Variants in APOL4 observed in about 807,000 individuals in gnomAD.
The protein encoded by APOL4 is apolipoprotein L4.
Under a neutral mutation model 12.1 loss-of-function variants are expected in APOL4, and 14 were observed. That is an observed-to-expected ratio of 1.16 (90% confidence interval 0.76 to 1.81). APOL4 has a LOEUF of 1.81. Ranked by LOEUF, APOL4 falls within the 40% of genes most tolerant of loss-of-function variation. APOL4 has a pLI of 0.00. For synonymous variants in APOL4, 171 were observed against 160.6 expected (o/e 1.06, Z -0.49); for missense variants, 432 against 423.1 (o/e 1.02, Z -0.18).
chr22:36,191,102 A>G lies in APOL4; in HGVS notation c.1020T>C (p.His340=), dbSNP rs1303436931. 1.2e-6 allele frequency: 2 copies of G among 1,607,306 alleles called. No homozygotes were observed. Among genetic ancestry groups the G allele is most frequent in the East Asian group, 2.2e-5 (1 of 44,694 alleles). ...ELEENLNELT[H]IHQSLKAG is the part of the protein sequence containing the mutation. ...AGCCTGCTTTTAGACTCTGATGGAT[A>G]TGGGTGAGCTCATTGAGATTCTCCT... is the stretch of plus-strand genomic sequence containing the variant. The change falls in exon 4 of 4, where the codon CAT becomes CAC. Residue 340 remains histidine, a synonymous_variant. Coordinates refer to ENST00000683024, the MANE Select transcript of APOL4 (RefSeq NM_001386885.1).
chr22:36,203,668 T>C (rs907018153), upstream of APOL4, among the ~76,000 whole-genome samples: 1 of 152,156 alleles, frequency 6.6e-6, no homozygotes, highest in African/African-American at 2.4e-5. Context: ...GGAGTATACC[T>C]GAACCCTAAA....
At chr22:36,195,067 C>G (rs951997474) in intron 3 of APOL4, 1 of 417,116 alleles carries the variant, frequency 2.4e-6, no homozygotes, top group African/African-American at 2.0e-5. Flanking sequence ...TTGCAAAGCT[C>G]CCATCACCAG....
At chr22:36,202,202 G>A (rs896448365), upstream of APOL4, 6 of 1,078,360 alleles carry the variant, frequency 5.6e-6, no homozygotes, top group African/African-American at 6.3e-5. Context: ...GATCTGCTGG[G>A]CTCAAGTGAT....
intron 3 of APOL4, among the ~76,000 whole-genome samples, chr22:36,193,978 C>G (rs751648625): frequency 6.6e-6 from 1 of 152,166 alleles, no homozygotes; most frequent in Non-Finnish European, 1.5e-5. Context: ...CAGGTCAAGG[C>G]CCTGTACAAT....
chr22:36,194,180 C>G (rs1192477710), intron 3 of APOL4, among the ~76,000 whole-genome samples: 1 of 152,142 alleles, frequency 6.6e-6, no homozygotes, highest in African/African-American at 2.4e-5. Flanking sequence ...GGAAGTTGGC[C>G]TGAAGAAACA....
chr22:36,202,145 C>T, upstream of APOL4: 1 of 1,566,132 alleles, frequency 6.4e-7, no homozygotes, highest in African/African-American at 1.4e-5. Flanking sequence ...TTTGCTGTGT[C>T]ACCCAGGCTG....
upstream of APOL4, among the ~76,000 whole-genome samples, chr22:36,203,098 C>T (rs2014632850): frequency 6.6e-6 from 1 of 152,204 alleles, no homozygotes; most frequent in Admixed American, 6.5e-5. Context: ...CCACAGGCAC[C>T]ATTCTGCAAT....
chr22:36,198,072 A>G (rs2014465245), intron 2 of APOL4, among the ~76,000 whole-genome samples: 2 of 152,174 alleles, frequency 1.3e-5, no homozygotes, highest in Admixed American at 1.3e-4. Context: ...CAAAGTCAGA[A>G]ACCCCAAACC....
chr22:36,189,482 A>G lies in APOL4; in HGVS notation c.*1593T>C, dbSNP rs1034547341. The G allele has an allele frequency of 3.9e-5, 6 of 152,298 alleles. No homozygotes were observed. Among genetic ancestry groups the G allele is most frequent in the African/African-American group, 1.4e-4 (6 of 41,456 alleles). The allele number at this position is 152,298 out of a possible 1,614,324, so 9.4% of individuals were successfully genotyped here. On this transcript the variant is annotated 3_prime_UTR_variant, in exon 4 of 4. Transcript: ENST00000683024. ...TGGCTGACTCAGATACACCCCCGGG[A>G]GGACAAGGGAGAGTGGATGCTGGTA...
upstream of APOL4, chr22:36,202,217 C>T: frequency 1.1e-6 from 1 of 896,012 alleles, no homozygotes; most frequent in Non-Finnish European, 1.7e-6. Context: ...AGTGATCTTC[C>T]TCCTTCAACC....
chr22:36,204,739 A>G (rs549936367), upstream of APOL4: 10 of 344,578 alleles, frequency 2.9e-5, no homozygotes, highest in East Asian at 5.6e-4. Flanking sequence ...TCCAGCCCCC[A>G]AGATATACCC....
upstream of APOL4, among the ~76,000 whole-genome samples, chr22:36,204,018 C>T (rs150562418): frequency 6.7e-3 from 1,022 of 152,288 alleles, 9 homozygotes; most frequent in Non-Finnish European, 8.6e-3. Flanking sequence ...GACATGGAGT[C>T]CTATGATCTA....
Position 36,191,061 on chromosome 22 carries a change from C to T in APOL4, c.*14G>A, listed in dbSNP as rs538257268. On this transcript the variant is annotated 3_prime_UTR_variant, in exon 4 of 4. Coordinates refer to ENST00000683024, the MANE Select transcript of APOL4 (RefSeq NM_001386885.1). ...CCTCCGTTTGGGGTCCCTGACTTCCCGCAACAATTGGGCCTAGCCTGCTTT... is the reference window on the plus strand; with the variant it reads ...CCTCCGTTTGGGGTCCCTGACTTCCTGCAACAATTGGGCCTAGCCTGCTTT... The T allele has an allele frequency of 1.4e-4, 214 of 1,569,448 alleles. No individual in the cohort carries two copies. The highest frequency in any genetic ancestry group is 5.6e-4 in the South Asian group (48 of 85,898).
intron 2 of APOL4, chr22:36,197,870 A>G (rs773225544): frequency 3.9e-6 from 6 of 1,529,216 alleles, no homozygotes; most frequent in East Asian, 2.5e-5. Flanking sequence ...TAAGACCAGT[A>G]AGATCTAACT....
rs964726643 is a variant in APOL4 at position 36,197,626 on chromosome 22, T to A, written c.82+1704A>T. 3.2e-5 allele frequency: 50 copies of A among 1,539,722 alleles called. No individual in the cohort carries two copies. The African/African-American group carries it at 5.4e-4, about 17-fold the overall frequency. On this transcript the variant is annotated intron_variant, in intron 2 of 3. Coordinates refer to ENST00000683024, the MANE Select transcript of APOL4 (RefSeq NM_001386885.1). ...GCTATGAATCTGAACTGGGGTCATA[T>A]CAGATGGGCGCTTCTGTCAGACACA...
chr22:36,191,863 C>T lies in APOL4; in HGVS notation c.259G>A (p.Val87Met), dbSNP rs374527418. The T allele has an allele frequency of 1.9e-6, 3 of 1,612,138 alleles. No homozygotes were observed. The Admixed American group carries it at 5.0e-5, about 27-fold the overall frequency. ...YEALKNLTPY[V>M]AIEDKDMQQK... The stretch of plus-strand genomic sequence containing the variant: ...TGCATGTCTTTGTCCTCAATAGCCA[C>T]ATATGGTGTAAGATTCTTCAGAGCT... The change falls in exon 4 of 4, where the codon GTG (valine) becomes ATG (methionine). Residue 87 changes from valine to methionine, a missense_variant. Coordinates refer to ENST00000683024, the MANE Select transcript of APOL4 (RefSeq NM_001386885.1).
rs897298391 is a variant in APOL4 at position 36,191,362 on chromosome 22, C to T, written c.760G>A (p.Val254Ile). The T allele has an allele frequency of 6.2e-7, 1 of 1,613,944 alleles. No individual in the cohort carries two copies. The highest frequency in any genetic ancestry group is 2.2e-5 in the East Asian group (1 of 44,898). ...VHTLRRSKAT[V>I]GRPLIAWRYV... is the part of the protein sequence containing the mutation. ...CGCCAAGCAATCAAAGGGCGTCCAA[C>T]AGTGGCTTTAGATCTCCTGAGTGTA... Residue 254 changes from valine to isoleucine, a missense_variant, in exon 4 of 4, where the codon GTT (valine) becomes ATT (isoleucine). By Grantham distance (29) the Val-to-Ile change is conservative (BLOSUM62 3). Transcript: ENST00000683024.
rs974907886 is a variant in APOL4, at chr22:36,190,713, T to G, written c.*362A>C. ...CTGAACAATTGCTGTTATCCTGTTC[T>G]TTTTTCAAGGTGCCCAGATTTCATA... On this transcript the variant is annotated 3_prime_UTR_variant, in exon 4 of 4. Transcript: ENST00000683024. The G allele has an allele frequency of 1.9e-5, 4 of 215,698 alleles. No individual in the cohort carries two copies. Among genetic ancestry groups the G allele is most frequent in the Admixed American group, 1.6e-4 (3 of 19,310 alleles). The allele number at this position is 215,698 out of a possible 1,614,324, so 13.4% of individuals were successfully genotyped here.
chr22:36,202,667 A>C (rs2014618347), upstream of APOL4, among the ~76,000 whole-genome samples: 1 of 151,982 alleles, frequency 6.6e-6, no homozygotes, highest in Non-Finnish European at 1.5e-5. Context: ...CGGAGCTTGC[A>C]GTGAGCAGAG....
Sources: allele counts gnomAD v4.1 joint callset (sites outside exome capture counted in the v4.1 genomes callset), GRCh38; gene constraint gnomAD v4.1.1; transcripts MANE v1.5; gene names NCBI Gene and HGNC (gene_info 2026-07-23, HGNC 2026-07-21).